Variants in PITPNM3 observed in about 807,000 individuals in gnomAD.
PITPNM3 encodes PITPNM family member 3, also known as membrane-associated phosphatidylinositol transfer protein 3.
In PITPNM3, 26 loss-of-function variants were observed where a neutral mutation model predicts 102.0. The ratio of observed to expected loss-of-function variants is 0.25; its 90% confidence interval spans 0.19 to 0.35. The LOEUF (loss-of-function observed/expected upper bound fraction) is 0.35. Among genes scored for constraint, PITPNM3 ranks in the 10% least tolerant of loss-of-function variants. The probability of loss-of-function intolerance (pLI) is 1.00; values close to 1 mark genes in which losing one functional copy is unlikely to be tolerated. For synonymous variants in PITPNM3, 578 were observed against 558.6 expected (o/e 1.03, Z -0.49); for missense variants, 1,083 against 1,346.1 (o/e 0.80, Z 3.06).
Position 6,468,186 on chromosome 17 carries a change from A to G in PITPNM3, c.1890+39T>C. 1 of 1,596,102 alleles carries G rather than the reference A, an allele frequency of 6.3e-7. No individual in the cohort carries two copies. The highest frequency in any genetic ancestry group is 8.6e-7 in the Non-Finnish European group (1 of 1,165,732). On this transcript the variant is annotated intron_variant, in intron 14 of 19. Coordinates refer to ENST00000262483, the MANE Select transcript of PITPNM3 (RefSeq NM_031220.4). This position sits in a 1 kb window ranked among gnomAD's most constrained non-coding sequence, Gnocchi z 5.2. ...CCGGGCCAGCCCCACCTCCCGGAGG[A>G]CACAGTCCCAGCCACATGCGAACTG...
At chr17:6,464,415 C>A in intron 15 of PITPNM3, 97 bp from the exon 16 acceptor site, 2 of 1,304,500 alleles carry the variant, frequency 1.5e-6, no homozygotes, top group Non-Finnish European at 1.1e-6. Context: ...GAGGTCCCTG[C>A]CTGACATTCC....
chr17:6,483,712 A>G lies in PITPNM3; in HGVS notation c.392T>C (p.Leu131Pro). ...PQRSCKTHVLLLVLHGGNILD... is the reference protein window; with the variant it reads ...PQRSCKTHVLPLVLHGGNILD... The stretch of plus-strand genomic sequence containing the variant: ...GATGTTTCCCCCATGCAGGACCAGC[A>G]GGAGGACATGTGTCTTGCAGGAGCG... Residue 131 changes from leucine to proline, a missense_variant, in exon 6 of 20, where the codon CTG becomes CCG. Coordinates refer to ENST00000262483, the MANE Select transcript of PITPNM3 (RefSeq NM_031220.4). 1 of 1,613,986 alleles carries G rather than the reference A, an allele frequency of 6.2e-7. No individual in the cohort carries two copies. Among genetic ancestry groups the G allele is most frequent in the Non-Finnish European group, 8.5e-7 (1 of 1,179,996 alleles).
In PITPNM3 at chr17:6,464,729, C is replaced by T; in HGVS notation, c.1933G>A (p.Glu645Lys). 1 of 1,614,216 alleles carries T rather than the reference C, an allele frequency of 6.2e-7. No individual in the cohort carries two copies. Among genetic ancestry groups the T allele is most frequent in the Non-Finnish European group, 8.5e-7 (1 of 1,180,052 alleles). ...CCCACCAGGACCTGGGGGCCATCTT[C>T]AGCAGCAATCACATCATTGGCCCGG... ...NHRANDVIAA[E>K]DGPQVLVGRF... The change falls in exon 15 of 20, where the codon GAA becomes AAA. Residue 645 changes from glutamate (E) to lysine (K), a missense_variant. Glu to Lys is a moderately conservative substitution (Grantham distance 56). This residue lies in a region of PITPNM3 where 410 missense variants were observed against 638.4 expected (regional missense o/e 0.64). Coordinates refer to ENST00000262483, the MANE Select transcript of PITPNM3 (RefSeq NM_031220.4).
At position 6,525,480 on chromosome 17, in the gene PITPNM3, C is replaced by G; in HGVS notation, c.119-17G>C. On this transcript the variant is annotated splice_polypyrimidine_tract_variant and intron_variant, in intron 2 of 19. Coordinates refer to ENST00000262483, the MANE Select transcript of PITPNM3 (RefSeq NM_031220.4). ...CCATCTCCTCTGTGGGAAGAAGCAG[C>G]GGTGAGCAGAAGCAGGTGCAGCTAG... is the stretch of plus-strand genomic sequence containing the variant. The G allele has an allele frequency of 6.3e-7, 1 of 1,599,508 alleles. No individual in the cohort carries two copies. Among genetic ancestry groups the G allele is most frequent in the East Asian group, 2.2e-5 (1 of 44,812 alleles).
At position 6,470,861 on chromosome 17, in the gene PITPNM3, C is replaced by G. The variant is rs1905034415; in HGVS notation, c.1624+300G>C. Among the ~76,000 whole-genome samples, 1 of 152,116 alleles carries G rather than the reference C, an allele frequency of 6.6e-6. No individual in the cohort carries two copies. The highest frequency in any genetic ancestry group is 6.5e-5 in the Admixed American group (1 of 15,284). ...AGGGATCAGGGGTCACTGCTCTCCT[C>G]AAGGTCAGAGCTCTGATTTGAGGCA... On this transcript the variant is annotated intron_variant, in intron 12 of 19. Transcript: ENST00000262483. This position sits in a 1 kb window ranked among gnomAD's most constrained non-coding sequence, Gnocchi z 4.8.
At position 6,455,364 on chromosome 17, in the gene PITPNM3, G is replaced by A. The variant is rs771613525; in HGVS notation, c.2899C>T (p.Pro967Ser). 2.7e-5 allele frequency: 42 copies of A among 1,583,304 alleles called. No homozygotes were observed. Among genetic ancestry groups the A allele is most frequent in the Non-Finnish European group, 3.4e-5 (40 of 1,166,792 alleles). The change falls in exon 20 of 20, where the codon CCC becomes TCC. Residue 967 changes from proline to serine, a missense_variant. Pro to Ser is a moderately conservative substitution (Grantham distance 74, BLOSUM62 -1). Transcript: ENST00000262483. ...PLPALSWARG[P>S]PKFESVP ...CAGGGCACCGACTCGAACTTGGGGG[G>A]CCCACGCGCCCAGCTGAGCGCCGGC...
chr17:6,501,645 G>A (rs1404301789), intron 4 of PITPNM3, among the ~76,000 whole-genome samples: 4 of 151,972 alleles, frequency 2.6e-5, no homozygotes, highest in Admixed American at 2.6e-4. Context: ...GCTTTGGGGG[G>A]CTCAGTCCAC....
chr17:6,525,304 C>A lies in PITPNM3; in HGVS notation c.226+52G>T, dbSNP rs180986698. 3.7e-4 allele frequency: 568 copies of A among 1,528,534 alleles called. 6 individuals carry two copies. In the East Asian group the frequency reaches 0.01, roughly 27 times the overall value. The allele number at this position is 1,528,534 out of a possible 1,614,324, so 94.7% of individuals were successfully genotyped here. A position where few individuals can be genotyped will look rare whatever the true frequency, so the allele number is the denominator to read the frequency against. On this transcript the variant is annotated intron_variant, in intron 3 of 19. Transcript: ENST00000262483. Reference sequence around the variant, plus strand: ...CCCAGTCACCAGCCCTACAGCCCCCCCTGCAACACACCTATGTGCACATCC... The same window carrying A: ...CCCAGTCACCAGCCCTACAGCCCCCACTGCAACACACCTATGTGCACATCC...
chr17:6,519,709 A>C (rs968140336), intron 3 of PITPNM3, among the ~76,000 whole-genome samples: 7 of 151,988 alleles, frequency 4.6e-5, no homozygotes, highest in East Asian at 1.9e-4. Context: ...GGGCGCCTGT[A>C]ATCCTGGCTA....
chr17:6,514,263 C>T (rs983556529), intron 3 of PITPNM3, among the ~76,000 whole-genome samples: 3 of 150,874 alleles, frequency 2.0e-5, no homozygotes, highest in Non-Finnish European at 4.4e-5. Flanking sequence ...ATAGATAAAC[C>T]AAACTTCAAC....
At chr17:6,521,784 G>A (rs140483139) in intron 3 of PITPNM3, among the ~76,000 whole-genome samples, 26 of 152,240 alleles carry the variant, frequency 1.7e-4, no homozygotes, top group Non-Finnish European at 2.8e-4. Flanking sequence ...TGAGTCAGAC[G>A]AATAAAGAAA....
chr17:6,498,099 T>C (rs545912704), intron 4 of PITPNM3, among the ~76,000 whole-genome samples: 54 of 152,136 alleles, frequency 3.5e-4, no homozygotes, highest in Non-Finnish European at 6.3e-4. Context: ...TCTATGGTGG[T>C]GGCATATTGC....
At position 6,464,774 on chromosome 17, in the gene PITPNM3, G is replaced by T. The variant is rs1223075402; in HGVS notation, c.1891-3C>A. ...GCCCGGTGATTAGCCGTGACATTCT[G>T]GAAGGACAGAAAGAAGCTGGCTCAG... On this transcript the variant is annotated splice_region_variant and splice_polypyrimidine_tract_variant and intron_variant, in intron 14 of 19. Transcript: ENST00000262483. 6.2e-7 allele frequency: 1 copy of T among 1,613,934 alleles called. No individual in the cohort carries two copies. Among genetic ancestry groups the T allele is most frequent in the African/African-American group, 1.3e-5 (1 of 74,912 alleles).
chr17:6,456,387 G>A (rs75515296), intron 19 of PITPNM3, among the ~76,000 whole-genome samples: 2,362 of 152,056 alleles, frequency 0.016, 60 homozygotes, highest in African/African-American at 0.054. Context: ...AGTCCCTCCC[G>A]TCACGCAGCC....
intron 1 of PITPNM3, among the ~76,000 whole-genome samples, chr17:6,548,436 A>G (rs1236408471): frequency 3.3e-5 from 5 of 152,126 alleles, no homozygotes; most frequent in African/African-American, 1.2e-4. Flanking sequence ...AGCTCTTTTT[A>G]CCACAAGGGA....
chr17:6,466,817 A>G (rs1904795868), intron 14 of PITPNM3, among the ~76,000 whole-genome samples: 1 of 152,138 alleles, frequency 6.6e-6, no homozygotes, highest in Non-Finnish European at 1.5e-5. Flanking sequence ...TCATAGCAGC[A>G]TTATTCATAG....
chr17:6,503,223 C>A (rs999980468), intron 4 of PITPNM3, among the ~76,000 whole-genome samples: 1 of 152,194 alleles, frequency 6.6e-6, no homozygotes, highest in Non-Finnish European at 1.5e-5. Context: ...TGAGCTCACA[C>A]TCCCAACCCA....
chr17:6,466,594 CAG>C (rs1198452383), intron 14 of PITPNM3, among the ~76,000 whole-genome samples: 8 of 152,196 alleles, frequency 5.3e-5, no homozygotes, highest in East Asian at 1.9e-4. Context: ...CAGATAATAA[CAG>C]GGGTTGCTGA....
Position 6,472,669 on chromosome 17 carries a change from A to G in PITPNM3, c.1417T>C (p.Ser473Pro). 1 of 1,613,006 alleles carries G rather than the reference A, an allele frequency of 6.2e-7. No individual in the cohort carries two copies. The highest frequency in any genetic ancestry group is 8.5e-7 in the Non-Finnish European group (1 of 1,179,822). ...YQRFPLGDGQ[S>P]LLLADALHTH... ...CCCAAGAACCTACCGAGGAGGAGGG[A>G]CTGCCCATCGCCCAGTGGGAACCTC... The change falls in exon 11 of 20, where the codon TCC becomes CCC. Residue 473 changes from serine to proline, a missense_variant. By Grantham distance (74) the Ser-to-Pro change is moderately conservative. Transcript: ENST00000262483. This position sits in a 1 kb window ranked among gnomAD's most constrained non-coding sequence, Gnocchi z 4.1.
Sources: allele counts gnomAD v4.1 joint callset (sites outside exome capture counted in the v4.1 genomes callset), GRCh38; gene constraint gnomAD v4.1.1; regional missense constraint gnomAD v4.1.1; non-coding constraint Gnocchi (gnomAD v3.1); transcripts MANE v1.5; gene names NCBI Gene and HGNC (gene_info 2026-07-23, HGNC 2026-07-21).